Variants in CADPS observed in about 807,000 individuals in gnomAD.
CADPS encodes the protein calcium dependent secretion activator.
CADPS carries 57 observed loss-of-function variants against 167.3 expected under a neutral mutation model. The observed-to-expected ratio is 0.34, with a 90% confidence interval of 0.28 to 0.42. The LOEUF (loss-of-function observed/expected upper bound fraction) is 0.42, where lower values mean the gene tolerates loss of function less well. Among genes scored for constraint, CADPS ranks in the 20% least tolerant of loss-of-function variants. The pLI is 1.00. For missense variants in CADPS, 1,414 were observed against 1,738.1 expected, an observed-to-expected ratio of 0.81 and a Z score of 3.32; for synonymous variants, 676 against 635.3, an observed-to-expected ratio of 1.06 and a Z score of -0.96.
chr3:62,541,669 C>T (rs564152604), intron 11 of CADPS, among the ~76,000 whole-genome samples: 17 of 152,234 alleles, frequency 1.1e-4, no homozygotes, highest in Non-Finnish European at 1.9e-4. Flanking sequence ...GGGTTTTATA[C>T]TCTCATCTCA....
intron 7 of CADPS, among the ~76,000 whole-genome samples, chr3:62,585,777 G>T (rs757534490): frequency 6.6e-6 from 1 of 152,188 alleles, no homozygotes; most frequent in Non-Finnish European, 1.5e-5. Context: ...GGGGAAAATG[G>T]AAGGAACCTT....
In CADPS at chr3:62,724,186, G is replaced by A. The variant is rs111916788; in HGVS notation, c.888+29255C>T. Among the ~76,000 whole-genome samples, 921 of 152,306 alleles carry A rather than the reference G, an allele frequency of 6.0e-3. 10 individuals carry two copies. The highest frequency in any genetic ancestry group is 0.02 in the African/African-American group (846 of 41,568). On this transcript the variant is annotated intron_variant, in intron 3 of 29. Coordinates refer to ENST00000383710, the MANE Select transcript of CADPS (RefSeq NM_003716.4). ...AAGGTCCTCACTGACTGCCTCTGCT[G>A]CACTTTCATTCACCATGGGCTCTTT...
intron 26 of CADPS, among the ~76,000 whole-genome samples, chr3:62,462,706 A>G (rs762373544): frequency 1.9e-4 from 29 of 152,144 alleles, no homozygotes; most frequent in Admixed American, 8.5e-4. Context: ...CCTAGGACGC[A>G]CAGCTGGTTC....
chr3:62,421,173 G>A lies in CADPS; in HGVS notation c.3777+16931C>T, dbSNP rs1029890233. Among the ~76,000 whole-genome samples the A allele has an allele frequency of 5.9e-5, 9 of 152,088 alleles. No homozygotes were observed. Among genetic ancestry groups the A allele is most frequent in the Non-Finnish European group, 1.0e-4 (7 of 68,028 alleles). On this transcript the variant is annotated intron_variant, in intron 28 of 29. Coordinates refer to ENST00000383710, the MANE Select transcript of CADPS (RefSeq NM_003716.4). The surrounding 1 kb of genome is among the most constrained non-coding windows in gnomAD (Gnocchi z 4.7). ...TCATAAATTAGCCATGAGTTAATAC[G>A]TGAGGCCCGGATCACTCTGCCTTGC...
At chr3:62,742,796 G>C (rs564873758) in intron 3 of CADPS, among the ~76,000 whole-genome samples, 2 of 152,280 alleles carry the variant, frequency 1.3e-5, no homozygotes, top group African/African-American at 4.8e-5. Flanking sequence ...AAACTAAAAA[G>C]CTTCTGCATA....
In CADPS at chr3:62,426,947, C is replaced by T. The variant is rs180944897; in HGVS notation, c.3777+11157G>A. On this transcript the variant is annotated intron_variant, in intron 28 of 29. Transcript: ENST00000383710. ...AAAATTAGCTGGGCATGGTGGCAGG[C>T]GCCTATAGTCCCAGCTACTAGGGAG... Among the ~76,000 whole-genome samples the T allele has an allele frequency of 5.7e-3, 866 of 151,334 alleles. 6 individuals carry two copies. The highest frequency in any genetic ancestry group is 0.02 in the African/African-American group (834 of 41,236).
intron 11 of CADPS, among the ~76,000 whole-genome samples, chr3:62,538,614 A>C (rs1282401176): frequency 6.6e-6 from 1 of 152,166 alleles, no homozygotes; most frequent in Non-Finnish European, 1.5e-5. Context: ...TTCTCAGAAA[A>C]GGCTGCAAAC....
At chr3:62,535,429 G>C (rs965783789) in intron 12 of CADPS, among the ~76,000 whole-genome samples, 1 of 148,228 alleles carries the variant, frequency 6.7e-6, no homozygotes, top group African/African-American at 2.5e-5. Context: ...CTTGGCTTTT[G>C]GTACAAAAAA....
chr3:62,856,834 C>A (rs993110451), intron 1 of CADPS, among the ~76,000 whole-genome samples: 1 of 149,282 alleles, frequency 6.7e-6, no homozygotes, highest in African/African-American at 2.5e-5. Context: ...TACACCAATA[C>A]AAATTTCAAA....
intron 8 of CADPS, among the ~76,000 whole-genome samples, chr3:62,581,484 C>T (rs1388860163): frequency 1.4e-5 from 2 of 147,832 alleles, no homozygotes; most frequent in East Asian, 2.0e-4. Context: ...CGAGACCAGC[C>T]AAGACAACAT....
At chr3:62,826,078 G>C (rs927471375) in intron 1 of CADPS, among the ~76,000 whole-genome samples, 3 of 152,148 alleles carry the variant, frequency 2.0e-5, no homozygotes, top group African/African-American at 7.2e-5. Context: ...ATGTGACCTT[G>C]GGACATAGCT....
chr3:62,525,404 G>A (rs1471952097), intron 13 of CADPS, among the ~76,000 whole-genome samples: 1 of 152,074 alleles, frequency 6.6e-6, no homozygotes, highest in Non-Finnish European at 1.5e-5. Flanking sequence ...TTAGAATTTA[G>A]AGAGCATGAC....
intron 1 of CADPS, among the ~76,000 whole-genome samples, chr3:62,803,315 G>A (rs147273794): frequency 1.4e-5 from 2 of 147,066 alleles, no homozygotes; most frequent in East Asian, 4.2e-4. Flanking sequence ...ACTGAATAAT[G>A]GCATTTGAGA....
intron 1 of CADPS, among the ~76,000 whole-genome samples, chr3:62,797,022 AT>A (rs987534075): frequency 6.6e-6 from 1 of 152,134 alleles, no homozygotes; most frequent in African/African-American, 2.4e-5. Flanking sequence ...CCAACTGCAT[AT>A]TTTTTCCTTT....
chr3:62,754,279 C>G (rs965928831), intron 2 of CADPS, among the ~76,000 whole-genome samples: 2 of 152,194 alleles, frequency 1.3e-5, no homozygotes, highest in Non-Finnish European at 2.9e-5. Flanking sequence ...CTCAAGCGAC[C>G]TCCAGCTTCA....
chr3:62,663,484 A>G (rs11925415), intron 3 of CADPS, among the ~76,000 whole-genome samples: 45,658 of 151,914 alleles, frequency 0.3, 7,347 homozygotes, highest in African/African-American at 0.38. Context: ...TTTAAATAAA[A>G]TGGTTTTTAT....
At chr3:62,803,270 T>A (rs992567064) in intron 1 of CADPS, among the ~76,000 whole-genome samples, 3 of 151,616 alleles carry the variant, frequency 2.0e-5, no homozygotes, top group Non-Finnish European at 4.4e-5. Flanking sequence ...AGAAAGCTTA[T>A]TAAAGAGCCT....
chr3:62,832,498 C>T (rs7640156), intron 1 of CADPS, among the ~76,000 whole-genome samples: 28,252 of 152,154 alleles, frequency 0.19, 2,919 homozygotes, highest in Middle Eastern at 0.35. Flanking sequence ...CAGCATAAAA[C>T]GTGACCAGGA....
chr3:62,722,553 C>T (rs554611980), intron 3 of CADPS, among the ~76,000 whole-genome samples: 8 of 152,348 alleles, frequency 5.3e-5, no homozygotes, highest in African/African-American at 1.9e-4. Context: ...TGAGTTGCTG[C>T]AATGCTTTCA....
Sources: allele counts gnomAD v4.1 joint callset (sites outside exome capture counted in the v4.1 genomes callset), GRCh38; gene constraint gnomAD v4.1.1; non-coding constraint Gnocchi (gnomAD v3.1); transcripts MANE v1.5; gene names NCBI Gene and HGNC (gene_info 2026-07-23, HGNC 2026-07-21).